Variants in FRMPD4 observed in about 807,000 individuals in gnomAD.
FRMPD4 encodes the protein FERM and PDZ domain containing 4, also known as FERM and PDZ domain-containing protein 4.
FRMPD4 carries 22 observed loss-of-function variants against 94.1 expected under a neutral mutation model. The observed-to-expected ratio is 0.23, with a 90% CI of 0.17 to 0.33. The LOEUF (loss-of-function observed/expected upper bound fraction) is 0.33, where lower values mean the gene tolerates loss of function less well. FRMPD4 is among the 10% of genes least tolerant of loss of function. FRMPD4 has a pLI of 1.00. For missense variants in FRMPD4, 1,111 were observed against 1,339.9 expected (o/e 0.83, Z 2.67); for synonymous variants, 631 against 548.6 (o/e 1.15, Z -2.10).
At chrX:12,339,174 A>G (rs1368859995) in intron 1 of FRMPD4, among the ~76,000 whole-genome samples, 1 of 111,383 alleles carries the variant, frequency 9.0e-6, no homozygotes, top group Non-Finnish European at 1.9e-5. Flanking sequence ...GGATTTTTTT[A>G]ATTCAACATG....
chrX:11,927,685 G>A (rs1569127529), intron 3 of FRMPD4, among the ~76,000 whole-genome samples: 1 of 112,312 alleles, frequency 8.9e-6, no homozygotes, highest in Non-Finnish European at 1.9e-5. Flanking sequence ...TAGGATAACT[G>A]GCTAGCCATA....
At chrX:12,141,616 G>T (rs772979285) in intron 1 of FRMPD4, among the ~76,000 whole-genome samples, 2 of 111,183 alleles carry the variant, frequency 1.8e-5, no homozygotes, top group Non-Finnish European at 3.8e-5. Context: ...TGGAATTGCT[G>T]GTAAGTAGTT....
chrX:12,633,764 C>G (rs1206638991), intron 4 of FRMPD4, among the ~76,000 whole-genome samples: 2 of 112,145 alleles, frequency 1.8e-5, no homozygotes, highest in African/African-American at 6.5e-5. Flanking sequence ...TCATGTCTGT[C>G]AAATCAGACT....
At chrX:12,543,039 G>T (rs1196375317) in intron 2 of FRMPD4, among the ~76,000 whole-genome samples, 1 of 111,780 alleles carries the variant, frequency 8.9e-6, no homozygotes, top group African/African-American at 3.3e-5. Context: ...TAGCCATATG[G>T]AGAAAGCTGA....
At chrX:12,460,974 G>A (rs2057385036) in intron 1 of FRMPD4, among the ~76,000 whole-genome samples, 1 of 111,204 alleles carries the variant, frequency 9.0e-6, no homozygotes, top group African/African-American at 3.3e-5. Flanking sequence ...TTTCCATTGG[G>A]TCCTTCATAT....
intron 3 of FRMPD4, among the ~76,000 whole-genome samples, chrX:11,899,814 A>G (rs1027531129): frequency 8.9e-6 from 1 of 112,675 alleles, no homozygotes; most frequent in Non-Finnish European, 1.9e-5. Flanking sequence ...AATACTGGGT[A>G]TTAATGTATT....
At chrX:12,676,695 C>T (rs2147090422) in intron 5 of FRMPD4, among the ~76,000 whole-genome samples, 1 of 112,256 alleles carries the variant, frequency 8.9e-6, no homozygotes, top group South Asian at 3.8e-4. Flanking sequence ...CACTGGAGTC[C>T]ATGTGACTTG....
intron 1 of FRMPD4, among the ~76,000 whole-genome samples, chrX:12,447,560 C>A (rs917545666): frequency 5.3e-5 from 6 of 112,201 alleles, no homozygotes; most frequent in African/African-American, 1.9e-4. Flanking sequence ...AAGCCTGCCC[C>A]CTCCTGCAAC....
At chrX:12,134,089 G>A (rs1030720247), upstream of FRMPD4, among the ~76,000 whole-genome samples, 1 of 111,974 alleles carries the variant, frequency 8.9e-6, no homozygotes, top group Non-Finnish European at 1.9e-5. Context: ...TTGCCGTTCC[G>A]TCTGCATGGA....
At chrX:12,364,664 C>T (rs2056047562) in intron 1 of FRMPD4, among the ~76,000 whole-genome samples, 1 of 111,281 alleles carries the variant, frequency 9.0e-6, no homozygotes, top group African/African-American at 3.3e-5. Flanking sequence ...GTGACTCAGG[C>T]ATAACATCCT....
intron 3 of FRMPD4, among the ~76,000 whole-genome samples, chrX:12,008,057 A>G (rs1310254158): frequency 8.9e-6 from 1 of 111,923 alleles, no homozygotes; most frequent in Non-Finnish European, 1.9e-5. Context: ...ATCACTGACT[A>G]ATAGAGGCTG....
chrX:12,330,034 A>G (rs2055348397), intron 1 of FRMPD4, among the ~76,000 whole-genome samples: 1 of 111,284 alleles, frequency 9.0e-6, no homozygotes, highest in Non-Finnish European at 1.9e-5. Flanking sequence ...GAGGATAATT[A>G]TACACCTTTT....
rs769223817 is a variant in FRMPD4, at chrX:11,847,983, G to A, written c.-160-17103G>A. Among the ~76,000 whole-genome samples the A allele has an allele frequency of 3.8e-5, 4 of 105,095 alleles. No individual in the cohort carries two copies. The South Asian group carries it at 1.8e-3, about 46-fold the overall frequency. 91.3% of individuals were successfully genotyped at this position (105,095 alleles called of 115,157 possible). A position where few individuals can be genotyped will look rare whatever the true frequency, so the allele number is the denominator to read the frequency against. Reference sequence around the variant, plus strand: ...ACCAGCATGGCACATGTAGACATATGTAACTAACCTGCACATTGTGCACAT... The same window carrying A: ...ACCAGCATGGCACATGTAGACATATATAACTAACCTGCACATTGTGCACAT... On this transcript the variant is annotated intron_variant, in intron 1 of 18. Transcript: ENST00000640291.
chrX:12,276,210 C>T (rs2054432913), intron 1 of FRMPD4, among the ~76,000 whole-genome samples: 1 of 112,311 alleles, frequency 8.9e-6, no homozygotes, highest in Non-Finnish European at 1.9e-5. Context: ...TTGTAGCTGT[C>T]CATGAAAAGA....
At chrX:12,104,053 G>C (rs143027032) in intron 3 of FRMPD4, among the ~76,000 whole-genome samples, 9 of 111,984 alleles carry the variant, frequency 8.0e-5, no homozygotes, top group Non-Finnish European at 1.5e-4. Context: ...CATGGCAGAA[G>C]TCATTAGGGC....
intron 3 of FRMPD4, among the ~76,000 whole-genome samples, chrX:12,028,708 A>G (rs1246273392): frequency 9.0e-6 from 1 of 111,345 alleles, no homozygotes; most frequent in Non-Finnish European, 1.9e-5. Context: ...TGACTTCCAC[A>G]ATGTCATATA....
intron 1 of FRMPD4, among the ~76,000 whole-genome samples, chrX:12,193,790 G>GAAAAA (rs1569186529): frequency 4.1e-5 from 1 of 24,193 alleles, no homozygotes; most frequent in Non-Finnish European, 6.7e-5. Context: ...AAGGAAGGAA[G>GAAAAA]GAAGGAAGGA....
chrX:12,123,283 G>T (rs1048786141), intron 3 of FRMPD4, among the ~76,000 whole-genome samples: 1 of 110,647 alleles, frequency 9.0e-6, no homozygotes, highest in African/African-American at 3.3e-5. Context: ...GATTACAGGC[G>T]TGTGCCAGTA....
intron 2 of FRMPD4, among the ~76,000 whole-genome samples, chrX:11,865,840 G>C (rs1310464264): frequency 8.9e-6 from 1 of 111,988 alleles, no homozygotes; most frequent in African/African-American, 3.2e-5. Context: ...ACTCATACAA[G>C]TCTTTGACAT....
Sources: allele counts gnomAD v4.1 joint callset (sites outside exome capture counted in the v4.1 genomes callset), GRCh38; gene constraint gnomAD v4.1.1; transcripts MANE v1.5; gene names NCBI Gene and HGNC (gene_info 2026-07-23, HGNC 2026-07-21).